The following MSRA variants were observed in gnomAD, a reference collection of about 807,000 sequenced individuals.
The protein encoded by MSRA is methionine sulfoxide reductase A.
In MSRA, 54 loss-of-function variants were observed where a neutral mutation model predicts 31.3. That is an observed-to-expected ratio of 1.73 (90% CI 1.39 to 2.17). The LOEUF is 2.17. MSRA is among the 30% of genes most tolerant of loss of function. The probability of loss-of-function intolerance (pLI) is 0.00; values close to 1 mark genes in which losing one functional copy is unlikely to be tolerated. For synonymous variants in MSRA, 169 were observed against 116.5 expected, an observed-to-expected ratio of 1.45 and a Z score of -2.90; for missense variants, 507 against 300.9, an observed-to-expected ratio of 1.69 and a Z score of -5.07.
intron 5 of MSRA, among the ~76,000 whole-genome samples, chr8:10,334,030 G>T (rs922365682): frequency 1.3e-5 from 2 of 152,158 alleles, no homozygotes; most frequent in African/African-American, 4.8e-5. Flanking sequence ...CGCCATTCGT[G>T]TGGTCTGATA....
intron 1 of MSRA, among the ~76,000 whole-genome samples, chr8:10,202,679 C>CGTT (rs933389774): frequency 6.6e-6 from 1 of 152,062 alleles, no homozygotes; most frequent in African/African-American, 2.4e-5. Context: ...GTTTATTTGC[C>CGTT]GTTCCTGAAA....
chr8:10,330,858 G>T (rs372554474), intron 5 of MSRA, among the ~76,000 whole-genome samples: 1 of 152,152 alleles, frequency 6.6e-6, no homozygotes, highest in Non-Finnish European at 1.5e-5. Flanking sequence ...GTTATGGACC[G>T]AATATCTGTG....
At chr8:10,348,706 A>T (rs1037017913) in intron 5 of MSRA, among the ~76,000 whole-genome samples, 5 of 152,106 alleles carry the variant, frequency 3.3e-5, no homozygotes, top group African/African-American at 1.2e-4. Flanking sequence ...CATACTACCA[A>T]GGCATCTAAA....
chr8:10,315,498 G>A (rs144196868), intron 4 of MSRA, among the ~76,000 whole-genome samples: 21 of 152,214 alleles, frequency 1.4e-4, no homozygotes, highest in African/African-American at 3.4e-4. Context: ...TTAACTGTGC[G>A]TATCTATTTT....
chr8:10,266,693 T>G (rs1798765592), intron 3 of MSRA, among the ~76,000 whole-genome samples: 1 of 152,200 alleles, frequency 6.6e-6, no homozygotes, highest in East Asian at 1.9e-4. Context: ...TTTCAGAAAT[T>G]GTATAGTTTA....
chr8:10,256,283 C>G (rs77429873), intron 3 of MSRA, among the ~76,000 whole-genome samples: 5,700 of 152,302 alleles, frequency 0.037, 164 homozygotes, highest in South Asian at 0.062. Flanking sequence ...TCCACCCTGT[C>G]TTTTCACGGC....
intron 5 of MSRA, among the ~76,000 whole-genome samples, chr8:10,404,640 G>C (rs1431788399): frequency 1.3e-5 from 2 of 152,256 alleles, no homozygotes. Flanking sequence ...CTGGCAGGCT[G>C]TGCTGCCGCG....
chr8:10,318,727 G>T (rs1389956147), intron 4 of MSRA, among the ~76,000 whole-genome samples: 3 of 152,176 alleles, frequency 2.0e-5, no homozygotes, highest in African/African-American at 7.2e-5. Context: ...CTGGATGTTG[G>T]TTCTTTCTTC....
intron 1 of MSRA, among the ~76,000 whole-genome samples, chr8:10,068,394 C>G (rs1291165507): frequency 6.6e-6 from 1 of 152,128 alleles, no homozygotes; most frequent in Non-Finnish European, 1.5e-5. Context: ...TATTGCCAAA[C>G]CGAAGGTCAC....
At chr8:10,244,042 A>G (rs1020381303) in intron 2 of MSRA, among the ~76,000 whole-genome samples, 6 of 152,170 alleles carry the variant, frequency 3.9e-5, no homozygotes, top group Non-Finnish European at 5.9e-5. Flanking sequence ...AGTGTCAAGA[A>G]TTTCAGTAAA....
At chr8:10,188,941 C>T (rs1410710081) in intron 1 of MSRA, among the ~76,000 whole-genome samples, 1 of 152,198 alleles carries the variant, frequency 6.6e-6, no homozygotes, top group Non-Finnish European at 1.5e-5. Flanking sequence ...TTGTGCTGAA[C>T]TACAGATTAA....
chr8:10,055,825 T>A (rs1802330093), intron 1 of MSRA, among the ~76,000 whole-genome samples: 1 of 152,178 alleles, frequency 6.6e-6, no homozygotes, highest in African/African-American at 2.4e-5. Context: ...AGGTAGAGGT[T>A]TTTTGGATTA....
intron 5 of MSRA, among the ~76,000 whole-genome samples, chr8:10,373,360 T>G (rs988350163): frequency 2.6e-5 from 4 of 152,220 alleles, no homozygotes; most frequent in African/African-American, 9.6e-5. Context: ...GTCTGACCAG[T>G]GGTTTTTTTC....
intron 5 of MSRA, among the ~76,000 whole-genome samples, chr8:10,401,869 T>C (rs757800690): frequency 2.0e-5 from 3 of 152,068 alleles, no homozygotes; most frequent in Non-Finnish European, 2.9e-5. Flanking sequence ...TTCATAGAGA[T>C]AGAAAATGGA....
At chr8:10,410,550 C>G (rs1005002927) in intron 5 of MSRA, among the ~76,000 whole-genome samples, 1 of 152,172 alleles carries the variant, frequency 6.6e-6, no homozygotes, top group Admixed American at 6.5e-5. Context: ...CTCAAAACAG[C>G]ACTGAGAGGT....
At chr8:10,150,835 C>G (rs1803599737) in intron 1 of MSRA, among the ~76,000 whole-genome samples, 1 of 152,178 alleles carries the variant, frequency 6.6e-6, no homozygotes, top group African/African-American at 2.4e-5. Flanking sequence ...AGTTGCATCC[C>G]TTTCCAGCAT....
chr8:10,185,413 G>C (rs1215281074), intron 1 of MSRA, among the ~76,000 whole-genome samples: 1 of 152,174 alleles, frequency 6.6e-6, no homozygotes, highest in East Asian at 1.9e-4. Context: ...AAAACGATCT[G>C]ATGATGAGTG....
At chr8:10,405,357 A>G (rs1335862304) in intron 5 of MSRA, among the ~76,000 whole-genome samples, 2 of 152,038 alleles carry the variant, frequency 1.3e-5, no homozygotes, top group East Asian at 3.9e-4. Flanking sequence ...ATTCCAAACC[A>G]CCACCCAGCC....
At chr8:10,343,252 A>G (rs886442775) in intron 5 of MSRA, among the ~76,000 whole-genome samples, 3 of 152,210 alleles carry the variant, frequency 2.0e-5, no homozygotes, top group Non-Finnish European at 4.4e-5. Flanking sequence ...ATCCATGGTG[A>G]GAACACCGTC....
Sources: allele counts gnomAD v4.1 joint callset (sites outside exome capture counted in the v4.1 genomes callset), GRCh38; gene constraint gnomAD v4.1.1; transcripts MANE v1.5; gene names NCBI Gene and HGNC (gene_info 2026-07-23, HGNC 2026-07-21).